MCC: variants seen among roughly 807,000 people sequenced by gnomAD.
MCC encodes MCC regulator of Wnt signaling pathway, also known as colorectal mutant cancer protein.
Under a neutral mutation model 116.2 loss-of-function variants are expected in MCC, and 90 were observed. The ratio of observed to expected loss-of-function variants is 0.77; its 90% CI spans 0.65 to 0.92. MCC has a LOEUF of 0.92. Among genes scored for constraint, MCC ranks in the 40% least tolerant of loss-of-function variants. MCC has a pLI of 0.00. For synonymous variants in MCC, 578 were observed against 510.5 expected (o/e 1.13, Z -1.78); for missense variants, 1,516 against 1,312.2 (o/e 1.16, Z -2.40).
At chr5:113,284,514 T>A (rs754004052) in intron 3 of MCC, among the ~76,000 whole-genome samples, 6 of 152,220 alleles carry the variant, frequency 3.9e-5, no homozygotes, top group Admixed American at 3.3e-4. Context: ...TCCTGTAATA[T>A]AGAAATAGAG....
intron 3 of MCC, among the ~76,000 whole-genome samples, chr5:113,237,097 C>G (rs1465932397): frequency 2.6e-5 from 4 of 152,098 alleles, no homozygotes; most frequent in Non-Finnish European, 4.4e-5. Context: ...CTTGCCTGTT[C>G]AAAGGAAACT....
intron 1 of MCC, among the ~76,000 whole-genome samples, chr5:113,461,586 G>C (rs1230814623): frequency 6.6e-6 from 1 of 152,020 alleles, no homozygotes; most frequent in Non-Finnish European, 1.5e-5. Context: ...TGGGAGGACT[G>C]CTTGAGCCCA....
At chr5:113,049,322 C>A (rs148602801) in intron 15 of MCC, 23 bp from the exon 16 acceptor site, 397 of 1,540,260 alleles carry the variant, frequency 2.6e-4, no homozygotes, top group Non-Finnish European at 3.3e-4. Flanking sequence ...GAGCACAGAG[C>A]ACATGAGGCA....
chr5:113,222,364 T>C (rs528340014), intron 3 of MCC, among the ~76,000 whole-genome samples: 106 of 152,352 alleles, frequency 7.0e-4, no homozygotes, highest in Non-Finnish European at 9.7e-4. Context: ...GATATTGTAT[T>C]GCTCTGTACT....
chr5:113,190,818 T>C lies in MCC; in HGVS notation c.628-39396A>G, dbSNP rs1476474214. ...CTTACTGGGTGTGGGGAACAAGGGA[T>C]TGTCTAAATCTAAGAGGCAGAGAAA... On this transcript the variant is annotated intron_variant, in intron 3 of 18. Transcript: ENST00000408903. Among the ~76,000 whole-genome samples the C allele has an allele frequency of 5.9e-5, 9 of 152,206 alleles. No homozygotes were observed. In the South Asian group the frequency reaches 6.2e-4, roughly 11 times the overall value.
intron 3 of MCC, chr5:113,269,024 G>T: frequency 3.4e-6 from 1 of 298,068 alleles, no homozygotes; most frequent in Non-Finnish European, 5.0e-6. Flanking sequence ...AAAGAAGAAT[G>T]GCAGCAAAAG....
chr5:113,175,086 T>C (rs1203461011), intron 3 of MCC, among the ~76,000 whole-genome samples: 1 of 152,216 alleles, frequency 6.6e-6, no homozygotes, highest in Non-Finnish European at 1.5e-5. Flanking sequence ...CTGAGTTAGC[T>C]CTTCCGTGAT....
Position 113,266,980 on chromosome 5 carries a change from T to C in MCC, c.627+73539A>G, listed in dbSNP as rs115492471. 3.0e-3 allele frequency among the ~76,000 whole-genome samples: 460 copies of C among 152,306 alleles called. 2 individuals carry two copies. Among genetic ancestry groups the C allele is most frequent in the African/African-American group, 0.01 (431 of 41,562 alleles). On this transcript the variant is annotated intron_variant, in intron 3 of 18. Transcript: ENST00000408903. ...AGCCTAAGTTACTGACCAGTTAGCA[T>C]GTGGCCTCGGGCAAATAATAAATTG... is the stretch of plus-strand genomic sequence containing the variant.
At chr5:113,431,600 T>C (rs925912651) in intron 1 of MCC, among the ~76,000 whole-genome samples, 1 of 152,184 alleles carries the variant, frequency 6.6e-6, no homozygotes, top group African/African-American at 2.4e-5. Context: ...GCAGAGATGC[T>C]GTTCAGGGAC....
intron 1 of MCC, among the ~76,000 whole-genome samples, chr5:113,445,958 C>T (rs951103557): frequency 1.3e-5 from 2 of 152,028 alleles, no homozygotes; most frequent in African/African-American, 4.8e-5. Flanking sequence ...CATCAACAGT[C>T]GTCTAATTTT....
At chr5:113,088,360 T>C (rs1034920715) in intron 8 of MCC, among the ~76,000 whole-genome samples, 1 of 151,904 alleles carries the variant, frequency 6.6e-6, no homozygotes, top group Non-Finnish European at 1.5e-5. Flanking sequence ...GAAACATAGT[T>C]AATAGAGTTC....
chr5:113,292,359 C>T (rs957428198), intron 3 of MCC, among the ~76,000 whole-genome samples: 1 of 151,828 alleles, frequency 6.6e-6, no homozygotes, highest in African/African-American at 2.4e-5. Flanking sequence ...AAAACTGGCT[C>T]GAAAGCAAGC....
intron 3 of MCC, among the ~76,000 whole-genome samples, chr5:113,314,491 G>A (rs867981585): frequency 7.9e-5 from 12 of 152,292 alleles, no homozygotes; most frequent in African/African-American, 2.2e-4. Flanking sequence ...GTATAGAGCC[G>A]GATATTCTGA....
At chr5:113,230,139 C>T (rs1339441421) in intron 3 of MCC, among the ~76,000 whole-genome samples, 1 of 152,142 alleles carries the variant, frequency 6.6e-6, no homozygotes, top group Non-Finnish European at 1.5e-5. Flanking sequence ...TTGCCTAATC[C>T]TTTTTCCTAC....
chr5:113,128,496 A>G (rs952362261), intron 5 of MCC, among the ~76,000 whole-genome samples: 1 of 152,244 alleles, frequency 6.6e-6, no homozygotes, highest in Non-Finnish European at 1.5e-5. Flanking sequence ...ACAGGAAATA[A>G]GTGATGAATA....
At chr5:113,250,666 T>C (rs1161940606) in intron 3 of MCC, among the ~76,000 whole-genome samples, 1 of 152,176 alleles carries the variant, frequency 6.6e-6, no homozygotes, top group Non-Finnish European at 1.5e-5. Context: ...CATGGAACTG[T>C]TTGTGTAAGT....
chr5:113,097,636 G>T (rs1258330904), intron 8 of MCC, among the ~76,000 whole-genome samples: 1 of 152,156 alleles, frequency 6.6e-6, no homozygotes, highest in African/African-American at 2.4e-5. Context: ...GACCAGCTCA[G>T]ACGGGACTAT....
At chr5:113,140,088 T>C (rs1759090876) in intron 5 of MCC, among the ~76,000 whole-genome samples, 1 of 152,344 alleles carries the variant, frequency 6.6e-6, no homozygotes, top group African/African-American at 2.4e-5. Context: ...TTATTAAATG[T>C]AAATTAATGG....
At chr5:113,263,646 G>A (rs111254479) in intron 3 of MCC, among the ~76,000 whole-genome samples, 2,295 of 152,284 alleles carry the variant, frequency 0.015, 32 homozygotes, top group Non-Finnish European at 0.024. Context: ...AATCTACTCT[G>A]AAAAGTAAAA....
Sources: allele counts gnomAD v4.1 joint callset (sites outside exome capture counted in the v4.1 genomes callset), GRCh38; gene constraint gnomAD v4.1.1; transcripts MANE v1.5; gene names NCBI Gene and HGNC (gene_info 2026-07-23, HGNC 2026-07-21).